Variants in MEGF6 observed in about 807,000 individuals in gnomAD.
MEGF6 encodes the protein multiple epidermal growth factor-like domains protein 6.
In MEGF6, 184 loss-of-function variants were observed where a neutral mutation model predicts 207.1. That is an observed-to-expected ratio of 0.89 (90% CI 0.79 to 1.00). The LOEUF is 1.00. Among genes scored for constraint, MEGF6 ranks in the 50% least tolerant of loss-of-function variants. MEGF6 has a pLI of 0.00. For missense variants in MEGF6, 2,282 were observed against 2,202.9 expected, an observed-to-expected ratio of 1.04 and a Z score of -0.72; for synonymous variants, 1,038 against 910.0, an observed-to-expected ratio of 1.14 and a Z score of -2.53.
intron 4 of MEGF6, among the ~76,000 whole-genome samples, chr1:3,541,358 G>A (rs1274005677): frequency 6.6e-6 from 1 of 152,250 alleles, no homozygotes; most frequent in Non-Finnish European, 1.5e-5. Context: ...CAAAGTCCTG[G>A]AAGCATTAAA....
intron 31 of MEGF6, 40 bp from the exon 32 acceptor site, chr1:3,494,539 C>T: frequency 6.4e-7 from 1 of 1,570,936 alleles, no homozygotes; most frequent in Non-Finnish European, 8.6e-7. Flanking sequence ...CGGCACCAGC[C>T]TTGCCCAGCC....
chr1:3,504,497 C>T (rs1469226150), intron 17 of MEGF6, among the ~76,000 whole-genome samples: 2 of 152,142 alleles, frequency 1.3e-5, no homozygotes, highest in Admixed American at 6.5e-5. Flanking sequence ...TTGCACCTCC[C>T]GCCAGTGCAA....
At chr1:3,516,868 T>G (rs185866006) in intron 5 of MEGF6, among the ~76,000 whole-genome samples, 8 of 152,146 alleles carry the variant, frequency 5.3e-5, no homozygotes, top group South Asian at 2.1e-4. Flanking sequence ...GATGGCTCTG[T>G]CTCCTGCCCC....
At chr1:3,497,152 C>A in intron 27 of MEGF6, 33 bp from the exon 28 acceptor site, 1 of 1,543,832 alleles carries the variant, frequency 6.5e-7, no homozygotes, top group Non-Finnish European at 8.7e-7. Context: ...GGTCCTGGCC[C>A]AGCCCCGCCA....
rs1434970104 is a variant in MEGF6, at chr1:3,498,881, GGTCT to G, written c.3095-59_3095-56del. 7 of 1,535,640 alleles carry G rather than the reference GGTCT, an allele frequency of 4.6e-6. No individual in the cohort carries two copies. The African/African-American group carries it at 5.5e-5, about 12-fold the overall frequency. On this transcript the variant is annotated intron_variant, in intron 24 of 36. Transcript: ENST00000356575. ...ATCCCCCAGCCAGCTGGCCCCACAG[GGTCT>G]GTCTGGCTTTCCAGCCCCATGTTGG...
the MEGF6 span, among the ~76,000 whole-genome samples, chr1:3,617,864 T>C: frequency 6.6e-6 from 1 of 151,626 alleles, no homozygotes; most frequent in African/African-American, 2.4e-5. Flanking sequence ...GAACCGGGGG[T>C]TGCTGGAGCT....
chr1:3,614,518 A>G (rs765515661), upstream of MEGF6, among the ~76,000 whole-genome samples: 1 of 152,222 alleles, frequency 6.6e-6, no homozygotes, highest in African/African-American at 2.4e-5. Flanking sequence ...ATCTTTGTCC[A>G]TTTTCATAAT....
chr1:3,501,821 C>T lies in MEGF6; in HGVS notation c.2289G>A (p.Gly763=). 6.2e-7 allele frequency: 1 copy of T among 1,609,550 alleles called. No homozygotes were observed. Among genetic ancestry groups the T allele is most frequent in the Non-Finnish European group, 8.5e-7 (1 of 1,178,766 alleles). The change falls in exon 18 of 37, where the codon GGG becomes GGA. Residue 763 remains glycine, a synonymous_variant. Transcript: ENST00000356575. The part of the protein sequence containing the change: ...GVTGQCRCPP[G]RTGEDCEADC... ...CTGCCTCACAGTCTTCCCCAGTCCTCCCCGGCGGACACCGGCACTGCCCCG... is the reference window on the plus strand; with the variant it reads ...CTGCCTCACAGTCTTCCCCAGTCCTTCCCGGCGGACACCGGCACTGCCCCG...
chr1:3,491,084 C>A (rs1468902612), intron 35 of MEGF6, 125 bp from the exon 36 acceptor site: 1 of 825,940 alleles, frequency 1.2e-6, no homozygotes, highest in East Asian at 3.1e-5. Context: ...AGTCTCCTTC[C>A]CTTCTCAGTC....
intron 4 of MEGF6, among the ~76,000 whole-genome samples, chr1:3,548,599 G>C (rs553314848): frequency 2.0e-5 from 3 of 152,360 alleles, no homozygotes; most frequent in Non-Finnish European, 4.4e-5. Flanking sequence ...CCCTCCTCTG[G>C]TGTGGGGCAG....
intron 17 of MEGF6, 150 bp downstream of exon 17, chr1:3,505,058 G>GCAACACCGGTAGCAAGT: frequency 8.9e-7 from 1 of 1,119,964 alleles, no homozygotes; most frequent in Non-Finnish European, 1.3e-6. Flanking sequence ...CGGTAGCAAG[G>GCAACACCGGTAGCAAGT]CAACACCGGT....
chr1:3,607,743 C>T (rs989267649), intron 1 of MEGF6, among the ~76,000 whole-genome samples: 5 of 152,216 alleles, frequency 3.3e-5, no homozygotes, highest in Non-Finnish European at 7.3e-5. Context: ...CATCTGGGGG[C>T]GTGGAACAGG....
At chr1:3,524,963 G>T (rs545867477) in intron 4 of MEGF6, among the ~76,000 whole-genome samples, 8 of 152,298 alleles carry the variant, frequency 5.3e-5, no homozygotes, top group African/African-American at 1.9e-4. Context: ...CCTCTCTATG[G>T]GTTCATAGGG....
chr1:3,561,307 G>A (rs993149790), intron 4 of MEGF6, among the ~76,000 whole-genome samples: 1 of 152,204 alleles, frequency 6.6e-6, no homozygotes, highest in Non-Finnish European at 1.5e-5. Context: ...GGGGACCCAA[G>A]CTGGAGAGGG....
chr1:3,493,847 G>T lies in MEGF6; in HGVS notation c.4311C>A (p.Asp1437Glu). Residue 1437 changes from aspartate (D) to glutamate (E), a missense_variant, in exon 34 of 37, where the codon GAC becomes GAA. By Grantham distance (45) the Asp-to-Glu change is conservative (BLOSUM62 2). Coordinates refer to ENST00000356575, the MANE Select transcript of MEGF6 (RefSeq NM_001409.4). Reference protein sequence around the residue: ...GEGCHQRCDCDGGAPCDPVTG... With the variant: ...GEGCHQRCDCEGGAPCDPVTG... ...TGACAGGGTCACAGGGTGCCCCCCC[G>T]TCACAGTCACAGCGCTGGTGGCAGC... The T allele has an allele frequency of 6.2e-7, 1 of 1,601,830 alleles. No homozygotes were observed. Among genetic ancestry groups the T allele is most frequent in the Non-Finnish European group, 8.5e-7 (1 of 1,174,978 alleles).
intron 4 of MEGF6, among the ~76,000 whole-genome samples, chr1:3,532,992 G>A (rs769928506): frequency 2.6e-5 from 4 of 152,164 alleles, no homozygotes; most frequent in Admixed American, 6.5e-5. Context: ...CTCCAGCCCC[G>A]GCAACTCAGG....
the MEGF6 span, chr1:3,624,645 G>C: frequency 3.3e-5 from 5 of 152,584 alleles, no homozygotes; most frequent in Non-Finnish European, 7.3e-5. Flanking sequence ...CGCTCCAGAA[G>C]GCCGAAGGGG....
intron 4 of MEGF6, among the ~76,000 whole-genome samples, chr1:3,559,607 G>A (rs1258001906): frequency 6.6e-6 from 1 of 151,886 alleles, no homozygotes; most frequent in Admixed American, 6.6e-5. Context: ...TGGCTTGGGA[G>A]TGGGACGGTG....
chr1:3,500,467 AC>A (rs1198818231), intron 21 of MEGF6, among the ~76,000 whole-genome samples, 165 bp downstream of exon 21: 1 of 152,250 alleles, frequency 6.6e-6, no homozygotes, highest in Admixed American at 6.5e-5. Context: ...GCGTGCCTGC[AC>A]GTTTTGGTGG....
Sources: gnomAD v4.1 joint callset for allele counts (sites outside exome capture counted in the v4.1 genomes callset) on GRCh38, gnomAD v4.1.1 for gene constraint, MANE v1.5 for transcripts, NCBI Gene and HGNC (gene_info 2026-07-23, HGNC 2026-07-21) for gene names.